Variants in CLOCK observed in about 807,000 individuals in gnomAD.
The protein encoded by CLOCK is clock circadian regulator, also known as circadian locomoter output cycles protein kaput.
In CLOCK, 43 loss-of-function variants were observed where a neutral mutation model predicts 118.4. The ratio of observed to expected loss-of-function variants is 0.36; its 90% CI spans 0.28 to 0.47. CLOCK has a LOEUF of 0.47. Among genes scored for constraint, CLOCK ranks in the 20% least tolerant of loss-of-function variants. The pLI is 1.00. For synonymous variants in CLOCK, 326 were observed against 339.2 expected (o/e 0.96, Z 0.43); for missense variants, 846 against 999.9 (o/e 0.85, Z 2.08).
chr4:55,475,304 C>T (rs1252203727), intron 7 of CLOCK, among the ~76,000 whole-genome samples: 2 of 152,102 alleles, frequency 1.3e-5, no homozygotes, highest in South Asian at 2.1e-4. Context: ...CTAATAAACC[C>T]GAACTGATGA....
chr4:55,479,729 G>C (rs1193504948), intron 4 of CLOCK, 30 bp from the exon 5 acceptor site: 2 of 1,564,528 alleles, frequency 1.3e-6, no homozygotes, highest in Admixed American at 3.3e-5. Flanking sequence ...GAAAGTAAGA[G>C]CAGACTCACT....
chr4:55,436,810 G>GT (rs780869943), intron 22 of CLOCK, among the ~76,000 whole-genome samples: 4 of 149,414 alleles, frequency 2.7e-5, no homozygotes, highest in Non-Finnish European at 5.9e-5. Context: ...GCCAAATTGT[G>GT]TATTTATTAC....
intron 4 of CLOCK, among the ~76,000 whole-genome samples, chr4:55,481,492 A>C (rs1242003173): frequency 6.6e-6 from 1 of 152,218 alleles, no homozygotes; most frequent in East Asian, 1.9e-4. Flanking sequence ...TTCCAAGAAA[A>C]AGACTATCAT....
At chr4:55,530,390 A>T (rs1218500971) in intron 1 of CLOCK, among the ~76,000 whole-genome samples, 2 of 152,214 alleles carry the variant, frequency 1.3e-5, no homozygotes, top group Non-Finnish European at 2.9e-5. Context: ...CAAACTATCA[A>T]GCAATTATGA....
At chr4:55,442,865 T>G (rs1723487376) in intron 20 of CLOCK, among the ~76,000 whole-genome samples, 1 of 152,090 alleles carries the variant, frequency 6.6e-6, no homozygotes, top group South Asian at 2.1e-4. Flanking sequence ...GGAGTGTGAT[T>G]GTAATAGAGA....
At chr4:55,517,968 G>C (rs74518450) in intron 1 of CLOCK, among the ~76,000 whole-genome samples, 4,133 of 152,168 alleles carry the variant, frequency 0.027, 198 homozygotes, top group African/African-American at 0.094. Flanking sequence ...GAAACATGGT[G>C]GGGGGTGGGG....
chr4:55,501,628 G>A (rs1728453482), intron 2 of CLOCK: 1 of 152,088 alleles, frequency 6.6e-6, no homozygotes, highest in Non-Finnish European at 1.5e-5. Context: ...TGAGAAGAGG[G>A]TGAAAGAGTA....
chr4:55,459,060 T>C (rs1577718781), intron 10 of CLOCK, 50 bp from the exon 11 acceptor site: 2 of 1,504,160 alleles, frequency 1.3e-6, no homozygotes, highest in South Asian at 2.3e-5. Flanking sequence ...CAAAACCTAA[T>C]TGTCACTGAT....
chr4:55,430,861 A>G lies in CLOCK; in HGVS notation c.*4554T>C, dbSNP rs1318079709. ...ACACAATAGGCAAGATAGGTTTACA[A>G]TAGTGTTTAAATCAAACTAGGCATC... is the stretch of plus-strand genomic sequence containing the variant. On this transcript the variant is annotated 3_prime_UTR_variant, in exon 23 of 23. Coordinates refer to ENST00000513440, the MANE Select transcript of CLOCK (RefSeq NM_004898.4). The G allele has an allele frequency of 6.6e-6, 1 of 152,202 alleles. No individual in the cohort carries two copies. The highest frequency in any genetic ancestry group is 2.4e-5 in the African/African-American group (1 of 41,452). The allele number at this position is 152,202 out of a possible 1,614,324, so 9.4% of individuals were successfully genotyped here. A position where few individuals can be genotyped will look rare whatever the true frequency, so the allele number is the denominator to read the frequency against.
intron 2 of CLOCK, among the ~76,000 whole-genome samples, chr4:55,508,006 G>A (rs182424204): frequency 2.6e-5 from 4 of 152,190 alleles, no homozygotes; most frequent in Non-Finnish European, 4.4e-5. Flanking sequence ...AATGTGCCCC[G>A]AGTCACATAA....
intron 1 of CLOCK, among the ~76,000 whole-genome samples, chr4:55,523,224 T>C (rs1729955208): frequency 6.6e-6 from 1 of 151,896 alleles, no homozygotes; most frequent in Admixed American, 6.6e-5. Flanking sequence ...GGCATGAATC[T>C]GGGAGGCGGA....
chr4:55,485,232 T>G (rs1388085705), intron 3 of CLOCK, among the ~76,000 whole-genome samples: 2 of 152,198 alleles, frequency 1.3e-5, no homozygotes, highest in African/African-American at 2.4e-5. Context: ...CCCAAAGTGC[T>G]GGGATTACAG....
In CLOCK at chr4:55,528,375, T is replaced by C. The variant is rs191783430; in HGVS notation, c.-289-18310A>G. Among the ~76,000 whole-genome samples the C allele has an allele frequency of 2.3e-3, 343 of 151,832 alleles. 3 individuals are homozygous for C. The highest frequency in any genetic ancestry group is 7.6e-3 in the African/African-American group (313 of 41,402). On this transcript the variant is annotated intron_variant, in intron 1 of 22. Transcript: ENST00000513440. The stretch of plus-strand genomic sequence containing the variant: ...AAAAAAAAAATTAATTAATTAAATA[T>C]ATTGAAGTATTTAAGGGTGAAGTGA...
chr4:55,539,878 A>G (rs922347084), intron 1 of CLOCK, among the ~76,000 whole-genome samples: 5 of 152,156 alleles, frequency 3.3e-5, no homozygotes, highest in African/African-American at 4.8e-5. Flanking sequence ...AGTGGACTAC[A>G]TTAGGAGCCC....
chr4:55,449,317 G>T, intron 17 of CLOCK, 79 bp downstream of exon 17: 2 of 1,285,816 alleles, frequency 1.6e-6, no homozygotes, highest in Non-Finnish European at 2.3e-6. Context: ...GTGACAAATA[G>T]ATGAATTTCT....
chr4:55,519,975 C>G (rs1008388079), intron 1 of CLOCK, among the ~76,000 whole-genome samples: 2 of 152,054 alleles, frequency 1.3e-5, no homozygotes, highest in Non-Finnish European at 2.9e-5. Flanking sequence ...GGGATCCACT[C>G]TTTCCCTATT....
chr4:55,472,686 AACTCTATGTAATTG>A (rs781264244), intron 7 of CLOCK, among the ~76,000 whole-genome samples: 162 of 152,188 alleles, frequency 1.1e-3, no homozygotes, highest in Middle Eastern at 3.4e-3. Flanking sequence ...AACCTTTCCT[AACTCTATGTAATTG>A]ACGAATATAT....
chr4:55,452,615 CTGATA>C (rs1411993529), intron 15 of CLOCK: 1 of 182,386 alleles, frequency 5.5e-6, no homozygotes, highest in African/African-American at 2.4e-5. Context: ...TACTTCTGAC[CTGATA>C]TAACAAAAAA....
chr4:55,448,601 C>CGCGCAT lies in CLOCK; in HGVS notation c.1539+177_1539+178insATGCGC. ...ATATATGTGCGCGCGCGCACGCGCGCGTGTGTGTGTGTGTGTGTGTGTGTG... is the reference window on the plus strand; with the variant it reads ...ATATATGTGCGCGCGCGCACGCGCGCGCGCATGTGTGTGTGTGTGTGTGTGTGTGTG... On this transcript the variant is annotated intron_variant, in intron 18 of 22. Transcript: ENST00000513440. Among the ~76,000 whole-genome samples the CGCGCAT allele has an allele frequency of 2.6e-5, 3 of 117,038 alleles. No individual in the cohort carries two copies. In the East Asian group the frequency reaches 8.9e-4, roughly 35 times the overall value. 76.8% of individuals were successfully genotyped at this position (117,038 alleles called of 152,430 possible). A position where few individuals can be genotyped will look rare whatever the true frequency, so the allele number is the denominator to read the frequency against.
Sources: allele counts gnomAD v4.1 joint callset (sites outside exome capture counted in the v4.1 genomes callset), GRCh38; gene constraint gnomAD v4.1.1; transcripts MANE v1.5; gene names NCBI Gene and HGNC (gene_info 2026-07-23, HGNC 2026-07-21).